CCSER2: variants seen among roughly 807,000 people sequenced by gnomAD.
CCSER2 encodes coiled-coil serine rich protein 2.
CCSER2 carries 46 observed loss-of-function variants against 92.3 expected under a neutral mutation model. The ratio of observed to expected loss-of-function variants is 0.50; its 90% confidence interval spans 0.39 to 0.64. The LOEUF is 0.64. CCSER2 is among the 30% of genes least tolerant of loss of function. The pLI is 0.00. For synonymous variants in CCSER2, 433 were observed against 431.4 expected (o/e 1.00, Z -0.04); for missense variants, 1,244 against 1,238.9 (o/e 1.00, Z -0.06).
intron 4 of CCSER2, among the ~76,000 whole-genome samples, chr10:84,421,811 A>C (rs1295459419): frequency 6.6e-6 from 1 of 152,216 alleles, no homozygotes; most frequent in East Asian, 1.9e-4. Context: ...TGAAGACCCA[A>C]AGACCTAGGG....
chr10:84,385,577 CCT>C (rs1351804104), intron 3 of CCSER2, among the ~76,000 whole-genome samples: 2 of 152,086 alleles, frequency 1.3e-5, no homozygotes, highest in Non-Finnish European at 2.9e-5. Context: ...AAACTGCACC[CCT>C]GTCTCTCACT....
chr10:84,471,060 C>T lies in CCSER2; in HGVS notation c.2235+602C>T, dbSNP rs146164688. 5.0e-3 allele frequency among the ~76,000 whole-genome samples: 767 copies of T among 151,952 alleles called. 7 individuals carry two copies. The highest frequency in any genetic ancestry group is 0.017 in the African/African-American group (724 of 41,476). On this transcript the variant is annotated intron_variant, in intron 8 of 9. Transcript: ENST00000372088. ...GACCATGATAAAAAGAAAATAATGG[C>T]CTAAAAATCACAACACTCAAAAGGA...
chr10:84,449,911 T>A (rs1564676255), intron 6 of CCSER2, among the ~76,000 whole-genome samples: 1 of 152,226 alleles, frequency 6.6e-6, no homozygotes, highest in Non-Finnish European at 1.5e-5. Context: ...CATAGTATCT[T>A]AAAATGCTAA....
chr10:84,515,397 C>T lies in CCSER2; in HGVS notation c.*1130C>T, dbSNP rs758817746. ...TGGAGTTCATAATATTCTCCCCCTCCCCCATCTCCAGTCTCCTAGGTTTCC... is the reference window on the plus strand; with the variant it reads ...TGGAGTTCATAATATTCTCCCCCTCTCCCATCTCCAGTCTCCTAGGTTTCC... On this transcript the variant is annotated 3_prime_UTR_variant, in exon 10 of 10. Transcript: ENST00000372088. The T allele has an allele frequency of 1.3e-5, 2 of 152,196 alleles. No individual in the cohort carries two copies. Among genetic ancestry groups the T allele is most frequent in the Non-Finnish European group, 2.9e-5 (2 of 67,984 alleles). The allele number at this position is 152,196 out of a possible 1,614,324, so 9.4% of individuals were successfully genotyped here. A position where few individuals can be genotyped will look rare whatever the true frequency, so the allele number is the denominator to read the frequency against.
intron 8 of CCSER2, among the ~76,000 whole-genome samples, chr10:84,471,549 A>G (rs899181438): frequency 1.3e-5 from 2 of 152,146 alleles, no homozygotes; most frequent in African/African-American, 4.8e-5. Flanking sequence ...TTTTATTTAT[A>G]TACAAAGGTA....
At chr10:84,441,134 A>T (rs1844507460) in intron 6 of CCSER2, among the ~76,000 whole-genome samples, 1 of 151,988 alleles carries the variant, frequency 6.6e-6, no homozygotes, top group African/African-American at 2.4e-5. Context: ...CCTTTATTTT[A>T]TCTGTTATCT....
chr10:84,486,185 A>G (rs908263502), intron 9 of CCSER2, among the ~76,000 whole-genome samples: 1 of 152,166 alleles, frequency 6.6e-6, no homozygotes, highest in African/African-American at 2.4e-5. Flanking sequence ...GCTATTGTGA[A>G]TAGTGCTGCA....
chr10:84,364,467 C>T (rs1845673919), intron 1 of CCSER2, among the ~76,000 whole-genome samples: 1 of 152,128 alleles, frequency 6.6e-6, no homozygotes, highest in African/African-American at 2.4e-5. Flanking sequence ...GAACCCGAAT[C>T]CTCTTTGACA....
At chr10:84,378,716 T>C (rs1038792784) in intron 3 of CCSER2, among the ~76,000 whole-genome samples, 3 of 152,188 alleles carry the variant, frequency 2.0e-5, no homozygotes, top group Non-Finnish European at 4.4e-5. Context: ...ATTACAGGCA[T>C]GTGCCACCGC....
intron 1 of CCSER2, among the ~76,000 whole-genome samples, chr10:84,364,239 C>A (rs901072338): frequency 1.3e-5 from 2 of 152,084 alleles, no homozygotes; most frequent in Non-Finnish European, 1.5e-5. Flanking sequence ...CAAACAGATA[C>A]AATAAATATG....
intron 1 of CCSER2, among the ~76,000 whole-genome samples, chr10:84,345,741 G>A (rs1242896357): frequency 6.6e-6 from 1 of 152,078 alleles, no homozygotes; most frequent in African/African-American, 2.4e-5. Flanking sequence ...TAAATATAAT[G>A]TACTTTAATT....
chr10:84,350,638 CTT>C (rs1844810974), intron 1 of CCSER2, among the ~76,000 whole-genome samples: 1 of 152,172 alleles, frequency 6.6e-6, no homozygotes, highest in Non-Finnish European at 1.5e-5. Context: ...AGATGGACAG[CTT>C]AGTGTTTTAT....
At chr10:84,503,152 C>T (rs1848858937) in intron 9 of CCSER2, among the ~76,000 whole-genome samples, 2 of 152,014 alleles carry the variant, frequency 1.3e-5, no homozygotes, top group Admixed American at 1.3e-4. Flanking sequence ...GGCGTGAACC[C>T]ATGAGGCGGA....
At chr10:84,442,694 G>A (rs1176585241) in intron 6 of CCSER2, among the ~76,000 whole-genome samples, 2 of 152,138 alleles carry the variant, frequency 1.3e-5, no homozygotes, top group Non-Finnish European at 2.9e-5. Context: ...TAATTAACTG[G>A]ATATGTTAAA....
intron 9 of CCSER2, among the ~76,000 whole-genome samples, chr10:84,482,153 T>C (rs1041473873): frequency 2.0e-5 from 3 of 151,676 alleles, no homozygotes; most frequent in Admixed American, 6.6e-5. Context: ...ATAAAAAACA[T>C]GGAGTTCAGA....
intron 1 of CCSER2, among the ~76,000 whole-genome samples, chr10:84,354,981 T>C (rs906681906): frequency 6.6e-6 from 1 of 152,052 alleles, no homozygotes; most frequent in Non-Finnish European, 1.5e-5. Context: ...ATGTTCTCAT[T>C]TTGTGCCCAT....
intron 6 of CCSER2, among the ~76,000 whole-genome samples, chr10:84,460,064 A>G (rs1222699861): frequency 1.4e-5 from 2 of 140,104 alleles, no homozygotes; most frequent in Non-Finnish European, 3.1e-5. Flanking sequence ...CCCTTTTTAC[A>G]TATTGTTGGT....
At chr10:84,472,100 C>T (rs1300035556) in intron 8 of CCSER2, among the ~76,000 whole-genome samples, 1 of 151,810 alleles carries the variant, frequency 6.6e-6, no homozygotes, top group Non-Finnish European at 1.5e-5. Context: ...AACTTAAAAA[C>T]AGCATAAAAC....
intron 4 of CCSER2, among the ~76,000 whole-genome samples, chr10:84,419,658 A>G (rs781255877): frequency 1.5e-4 from 23 of 152,214 alleles, no homozygotes; most frequent in Non-Finnish European, 2.8e-4. Context: ...GTCGCTTAGT[A>G]TGCTCTGGCA....
Sources: gnomAD v4.1 joint callset for allele counts (sites outside exome capture counted in the v4.1 genomes callset) on GRCh38, gnomAD v4.1.1 for gene constraint, MANE v1.5 for transcripts, NCBI Gene and HGNC (gene_info 2026-07-23, HGNC 2026-07-21) for gene names.